Variants in CMSS1 observed in about 807,000 individuals in gnomAD.
The protein encoded by CMSS1 is cms1 ribosomal small subunit homolog.
In CMSS1, 33 loss-of-function variants were observed where a neutral mutation model predicts 43.5. That is an observed-to-expected ratio of 0.76 (90% CI 0.57 to 1.01). CMSS1 has a LOEUF of 1.01. Ranked by LOEUF, CMSS1 falls within the 50% of genes least tolerant of loss-of-function variation. The pLI, the probability that CMSS1 is intolerant of heterozygous loss-of-function variation, is 0.00. For missense variants in CMSS1, 313 were observed against 326.4 expected (o/e 0.96, Z 0.32); for synonymous variants, 115 against 117.2 (o/e 0.98, Z 0.12).
intron 1 of CMSS1, among the ~76,000 whole-genome samples, chr3:99,905,678 C>G (rs1270609534): frequency 6.6e-6 from 1 of 152,192 alleles, no homozygotes; most frequent in Non-Finnish European, 1.5e-5. Context: ...CCACTAGCCT[C>G]CTTTGTGGCA....
intron 1 of CMSS1, among the ~76,000 whole-genome samples, chr3:100,142,384 A>G (rs2066812585): frequency 6.6e-6 from 1 of 152,224 alleles, no homozygotes; most frequent in African/African-American, 2.4e-5. Flanking sequence ...AGAACTCTAT[A>G]CATAGTATTT....
At chr3:99,890,763 A>G (rs1706059192) in intron 1 of CMSS1, among the ~76,000 whole-genome samples, 1 of 151,622 alleles carries the variant, frequency 6.6e-6, no homozygotes, top group Non-Finnish European at 1.5e-5. Context: ...TATGTCTTAC[A>G]TGCTGTCTGA....
rs1305030756 is a variant in CMSS1 at position 100,018,112 on chromosome 3, AG to A, written c.65-128859del. Among the ~76,000 whole-genome samples, 7 of 152,272 alleles carry A rather than the reference AG, an allele frequency of 4.6e-5. No individual in the cohort carries two copies. The East Asian group carries it at 1.2e-3, about 25-fold the overall frequency. ...GGGAGGCCGAGGCGGGCAGATCACC[AG>A]GTCAAGAGATCGAGACCATCTGGCC... On this transcript the variant is annotated intron_variant, in intron 1 of 9. Transcript: ENST00000421999.
intron 1 of CMSS1, among the ~76,000 whole-genome samples, chr3:100,146,258 G>A (rs1225955307): frequency 6.6e-6 from 1 of 152,162 alleles, no homozygotes; most frequent in African/African-American, 2.4e-5. Flanking sequence ...CTGATTCTTA[G>A]GGTAAGAATT....
intron 1 of CMSS1, among the ~76,000 whole-genome samples, chr3:99,941,584 A>G (rs577808345): frequency 3.3e-5 from 5 of 152,340 alleles, no homozygotes; most frequent in African/African-American, 1.2e-4. Context: ...AACTGTGGGT[A>G]TGCATCACAG....
At chr3:99,983,385 A>ATATAT (rs1709187098) in intron 1 of CMSS1, among the ~76,000 whole-genome samples, 1 of 84,076 alleles carries the variant, frequency 1.2e-5, no homozygotes, top group African/African-American at 6.4e-5. Context: ...AAAATAAATA[A>ATATAT]ATAAATATAT....
chr3:100,130,825 G>A (rs2066700600), intron 1 of CMSS1, among the ~76,000 whole-genome samples: 1 of 152,200 alleles, frequency 6.6e-6, no homozygotes, highest in African/African-American at 2.4e-5. Flanking sequence ...CTTAGAAGGA[G>A]CATCAAGAAA....
intron 1 of CMSS1, among the ~76,000 whole-genome samples, chr3:99,859,325 C>T (rs1172391959): frequency 6.6e-6 from 1 of 152,220 alleles, no homozygotes; most frequent in Non-Finnish European, 1.5e-5. Context: ...TCTGATCATA[C>T]TTACAGTATT....
intron 1 of CMSS1, among the ~76,000 whole-genome samples, chr3:100,135,905 A>G (rs997652998): frequency 2.0e-5 from 3 of 152,204 alleles, no homozygotes; most frequent in Admixed American, 6.5e-5. Flanking sequence ...ATCCTAGTCC[A>G]AAAGTTCTAG....
At chr3:99,871,098 A>G (rs1335283340) in intron 1 of CMSS1, among the ~76,000 whole-genome samples, 1 of 152,224 alleles carries the variant, frequency 6.6e-6, no homozygotes, top group Non-Finnish European at 1.5e-5. Context: ...TATAACATAC[A>G]CTGCCATACA....
intron 1 of CMSS1, among the ~76,000 whole-genome samples, chr3:99,876,383 T>TGGTGGGCC (rs147852464): frequency 0.088 from 13,383 of 151,864 alleles, 666 homozygotes; most frequent in South Asian, 0.14. Flanking sequence ...AGGGAATGAG[T>TGGTGGGCC]GGTGGGCCGG....
intron 1 of CMSS1, among the ~76,000 whole-genome samples, chr3:100,102,082 C>A (rs550460781): frequency 6.6e-6 from 1 of 152,098 alleles, no homozygotes; most frequent in Non-Finnish European, 1.5e-5. Context: ...AATAAACATA[C>A]GTGTGCATGT....
chr3:99,969,571 G>T (rs1708753949), intron 1 of CMSS1, among the ~76,000 whole-genome samples: 1 of 152,176 alleles, frequency 6.6e-6, no homozygotes, highest in African/African-American at 2.4e-5. Context: ...TATCCCAACT[G>T]GGTAAAGCAG....
intron 1 of CMSS1, among the ~76,000 whole-genome samples, chr3:99,956,914 A>C (rs928759591): frequency 6.6e-6 from 1 of 152,024 alleles, no homozygotes; most frequent in Non-Finnish European, 1.5e-5. Context: ...TTCTGCCCTC[A>C]CCAATGGCTT....
chr3:100,086,068 G>A (rs1475901181), intron 1 of CMSS1, among the ~76,000 whole-genome samples: 2 of 152,218 alleles, frequency 1.3e-5, no homozygotes, highest in East Asian at 3.8e-4. Context: ...TAAACTTGAT[G>A]TTTGGTTTCC....
At chr3:100,088,247 TC>T (rs1237327261) in intron 1 of CMSS1, among the ~76,000 whole-genome samples, 2 of 152,190 alleles carry the variant, frequency 1.3e-5, no homozygotes, top group African/African-American at 4.8e-5. Flanking sequence ...CCCTTGGACA[TC>T]CCTTACCTAA....
intron 1 of CMSS1, among the ~76,000 whole-genome samples, chr3:100,096,633 G>A (rs2066213688): frequency 6.6e-6 from 1 of 151,896 alleles, no homozygotes; most frequent in South Asian, 2.1e-4. Flanking sequence ...TAGGGGGTGG[G>A]GAGGAGATGG....
chr3:100,172,991 TG>T (rs1315814747), intron 8 of CMSS1, among the ~76,000 whole-genome samples: 1 of 152,214 alleles, frequency 6.6e-6, no homozygotes, highest in African/African-American at 2.4e-5. Context: ...GCAGATTGAA[TG>T]ATTTCTTTTC....
At chr3:100,106,106 T>A (rs1278038998) in intron 1 of CMSS1, among the ~76,000 whole-genome samples, 1 of 152,072 alleles carries the variant, frequency 6.6e-6, no homozygotes, top group Non-Finnish European at 1.5e-5. Flanking sequence ...AAATATGATA[T>A]TACTGTCAAT....
Sources: gnomAD v4.1 joint callset for allele counts (sites outside exome capture counted in the v4.1 genomes callset) on GRCh38, gnomAD v4.1.1 for gene constraint, MANE v1.5 for transcripts, NCBI Gene and HGNC (gene_info 2026-07-23, HGNC 2026-07-21) for gene names.